The following CIRSR variants were observed in gnomAD, a reference collection of about 807,000 sequenced individuals.
CIRSR encodes CBF1 (RBPJ) interacting corepressor 1.
chr2:174,349,046 AGAG>A, the CIRSR span: 692 of 1,582,578 alleles, frequency 4.4e-4, no homozygotes, highest in East Asian at 9.9e-4. Context: ...CAGTAGAGGA[AGAG>A]GAGGAGGAGG....
chr2:174,388,324 G>T, the CIRSR span, among the ~76,000 whole-genome samples: 2 of 152,056 alleles, frequency 1.3e-5, no homozygotes, highest in Non-Finnish European at 2.9e-5. Context: ...TCAGCCTCCG[G>T]AGTAGCTGGG....
chr2:174,387,559 C>A, the CIRSR span: 2 of 1,028,118 alleles, frequency 1.9e-6, no homozygotes, highest in Admixed American at 7.1e-5. Context: ...ATAGCCCTCA[C>A]GGAAAGACAC....
chr2:174,350,243 G>A, the CIRSR span, among the ~76,000 whole-genome samples: 5 of 152,066 alleles, frequency 3.3e-5, 1 homozygote, highest in African/African-American at 1.2e-4. Context: ...TTAATTCAGA[G>A]GTAGTCTGTT....
chr2:174,380,272 C>T, the CIRSR span: 1 of 1,539,060 alleles, frequency 6.5e-7, no homozygotes, highest in Non-Finnish European at 8.8e-7. Flanking sequence ...AGGAAATGTA[C>T]AAACACAATA....
chr2:174,376,002 T>C, the CIRSR span, among the ~76,000 whole-genome samples: 1 of 152,176 alleles, frequency 6.6e-6, no homozygotes, highest in East Asian at 1.9e-4. Flanking sequence ...TGACTACAGG[T>C]GCAGACCACC....
the CIRSR span, among the ~76,000 whole-genome samples, chr2:174,377,669 A>G: frequency 1.3e-5 from 2 of 151,504 alleles, no homozygotes; most frequent in South Asian, 4.2e-4. Flanking sequence ...AAATACAAAA[A>G]CTAGCCAGGC....
the CIRSR span, among the ~76,000 whole-genome samples, chr2:174,374,457 A>C: frequency 0.5 from 76,667 of 152,070 alleles, 21,228 homozygotes; most frequent in East Asian, 0.8. Flanking sequence ...ATCTTCTATG[A>C]GCTTGGGTTC....
chr2:174,348,469 C>A, the CIRSR span: 1 of 1,566,240 alleles, frequency 6.4e-7, no homozygotes. Context: ...GTAATTGTCA[C>A]ATACAGTCTT....
At chr2:174,371,346 T>C in the CIRSR span, among the ~76,000 whole-genome samples, 1 of 152,222 alleles carries the variant, frequency 6.6e-6, no homozygotes, top group African/African-American at 2.4e-5. Context: ...GATTTAAAAA[T>C]GTTTAATTTA....
At chr2:174,394,379 A>G in the CIRSR span, among the ~76,000 whole-genome samples, 10 of 152,194 alleles carry the variant, frequency 6.6e-5, no homozygotes, top group Non-Finnish European at 1.2e-4. Flanking sequence ...TTATTGAGCC[A>G]ACCAAATACA....
At chr2:174,384,801 T>A in the CIRSR span, among the ~76,000 whole-genome samples, 1 of 152,344 alleles carries the variant, frequency 6.6e-6, no homozygotes, top group African/African-American at 2.4e-5. Flanking sequence ...AAGACATATA[T>A]AAAATAAAAG....
At chr2:174,382,041 A>T in the CIRSR span, among the ~76,000 whole-genome samples, 2 of 152,210 alleles carry the variant, frequency 1.3e-5, no homozygotes, top group Non-Finnish European at 2.9e-5. Context: ...GGGAAAAATA[A>T]CATGGTCATT....
At chr2:174,379,378 T>C in the CIRSR span, among the ~76,000 whole-genome samples, 110 of 152,290 alleles carry the variant, frequency 7.2e-4, no homozygotes, top group Admixed American at 1.6e-3. Context: ...ACCTTTAAAG[T>C]TTCAAATTTC....
At chr2:174,391,310 C>T in the CIRSR span, among the ~76,000 whole-genome samples, 2 of 152,218 alleles carry the variant, frequency 1.3e-5, no homozygotes, top group Non-Finnish European at 1.5e-5. Context: ...TAAAATAGAA[C>T]GTAAGTAGTT....
the CIRSR span, among the ~76,000 whole-genome samples, chr2:174,394,929 G>T: frequency 2.0e-5 from 3 of 152,104 alleles, no homozygotes; most frequent in East Asian, 1.9e-4. Context: ...AAGACTGAGG[G>T]TCAGATATTA....
the CIRSR span, chr2:174,350,771 T>G: frequency 6.6e-7 from 1 of 1,524,718 alleles, no homozygotes; most frequent in Admixed American, 1.9e-5. Flanking sequence ...TATCATTAAA[T>G]TGCTAGATTT....
the CIRSR span, among the ~76,000 whole-genome samples, chr2:174,366,121 G>A: frequency 6.6e-6 from 1 of 152,124 alleles, no homozygotes; most frequent in Admixed American, 6.6e-5. Flanking sequence ...TCCTCAGGAG[G>A]AAGGAACCAG....
the CIRSR span, among the ~76,000 whole-genome samples, chr2:174,362,741 T>C: frequency 7.3e-6 from 1 of 137,310 alleles, no homozygotes; most frequent in Non-Finnish European, 1.5e-5. Flanking sequence ...AGAATTGAGG[T>C]CGCAGGGCAA....
the CIRSR span, among the ~76,000 whole-genome samples, chr2:174,392,719 G>C: frequency 2.0e-5 from 3 of 152,188 alleles, no homozygotes; most frequent in Non-Finnish European, 2.9e-5. Flanking sequence ...ATGAGGGACT[G>C]TTTTACTATC....
Sources: allele counts gnomAD v4.1 joint callset (sites outside exome capture counted in the v4.1 genomes callset), GRCh38; gene constraint gnomAD v4.1.1; transcripts MANE v1.5; gene names NCBI Gene and HGNC (gene_info 2026-07-23, HGNC 2026-07-21).